Variants in CLDN16 observed in about 807,000 individuals in gnomAD.
CLDN16 encodes claudin 16.
Under a neutral mutation model 24.6 loss-of-function variants are expected in CLDN16, and 13 were observed. The ratio of observed to expected loss-of-function variants is 0.53; its 90% CI spans 0.34 to 0.84. CLDN16 has a LOEUF of 0.84. Ranked by LOEUF, CLDN16 falls within the 40% of genes least tolerant of loss-of-function variation. The probability of loss-of-function intolerance (pLI) is 0.01; values close to 1 mark genes in which losing one functional copy is unlikely to be tolerated. For synonymous variants in CLDN16, 116 were observed against 106.7 expected (o/e 1.09, Z -0.54); for missense variants, 298 against 292.7 (o/e 1.02, Z -0.13).
At chr3:190,387,060 C>T (rs1308616399), upstream of CLDN16, among the ~76,000 whole-genome samples, 1 of 152,104 alleles carries the variant, frequency 6.6e-6, no homozygotes, top group Non-Finnish European at 1.5e-5. Flanking sequence ...CTTTCTTTCT[C>T]TCCCTCCCAA....
upstream of CLDN16, among the ~76,000 whole-genome samples, chr3:190,319,262 A>T (rs1328017794): frequency 6.6e-6 from 1 of 152,224 alleles, no homozygotes; most frequent in African/African-American, 2.4e-5. Flanking sequence ...CTACAACTGT[A>T]TCTGGCACTT....
intron 2 of CLDN16, 112 bp downstream of exon 2, chr3:190,402,551 C>G (rs1230980171): frequency 7.4e-6 from 6 of 806,106 alleles, no homozygotes; most frequent in Admixed American, 1.9e-5. Context: ...AGGTTCGGTC[C>G]AGTTTGTAAT....
At position 190,348,048 on chromosome 3, in the gene CLDN16, C is replaced by T. The variant is rs1245860333; in HGVS notation, n.122-22845C>T. On this transcript the variant is annotated intron_variant and non_coding_transcript_variant, in intron 1 of 4. Coordinates refer to the CLDN16 transcript ENST00000468220. ...CACGAGGTCAGGAGATTGTGACCAT[C>T]CTGGTTAACAAGGTGAAACCCCGTC... is the stretch of plus-strand genomic sequence containing the variant. Among the ~76,000 whole-genome samples, 3 of 148,808 alleles carry T rather than the reference C, an allele frequency of 2.0e-5. No individual in the cohort carries two copies. The Admixed American group carries it at 2.0e-4, about 10-fold the overall frequency.
chr3:190,383,729 C>T (rs1177285567), upstream of CLDN16, among the ~76,000 whole-genome samples: 1 of 152,098 alleles, frequency 6.6e-6, no homozygotes, highest in African/African-American at 2.4e-5. Flanking sequence ...TTTATGACTA[C>T]ACTTTTTCTT....
chr3:190,404,877 C>T lies in CLDN16; in HGVS notation c.333C>T (p.Tyr111=), dbSNP rs746772676. The change falls in exon 3 of 5, where the codon TAC becomes TAT. Residue 111 remains tyrosine, a synonymous_variant. Transcript: ENST00000264734. ...TGAAATTCCTCCCTGATGAGCCGTA[C>T]ATTAAAGTCCGCATCTGCTTTGTTG... ...DCVKFLPDEP[Y]IKVRICFVAG... The T allele has an allele frequency of 6.2e-7, 1 of 1,614,118 alleles. No individual in the cohort carries two copies. Among genetic ancestry groups the T allele is most frequent in the South Asian group, 1.1e-5 (1 of 91,088 alleles).
At chr3:190,394,401 A>G (rs1433164184) in intron 1 of CLDN16, among the ~76,000 whole-genome samples, 1 of 152,200 alleles carries the variant, frequency 6.6e-6, no homozygotes, top group African/African-American at 2.4e-5. Context: ...AAAGTTGCTC[A>G]CATTAGTATT....
chr3:190,294,080 G>A, the CLDN16 span, among the ~76,000 whole-genome samples: 17,646 of 152,200 alleles, frequency 0.12, 1,361 homozygotes, highest in East Asian at 0.42. Context: ...ACCAGAGGCT[G>A]TCTATTGTCC....
chr3:190,396,852 G>C (rs879853501), intron 1 of CLDN16, among the ~76,000 whole-genome samples: 2 of 102,304 alleles, frequency 2.0e-5, no homozygotes, highest in African/African-American at 4.0e-5. Flanking sequence ...GTAGAAGTTT[G>C]ACAGGTTGAG....
intron 4 of CLDN16, among the ~76,000 whole-genome samples, chr3:190,409,105 G>A (rs1437629831): frequency 6.6e-6 from 1 of 150,896 alleles, no homozygotes; most frequent in African/African-American, 2.4e-5. Context: ...AGTTGCCCTT[G>A]AACAATTGGA....
At chr3:190,369,928 T>G (rs961288931) in intron 1 of CLDN16, among the ~76,000 whole-genome samples, 5 of 152,036 alleles carry the variant, frequency 3.3e-5, no homozygotes, top group African/African-American at 1.2e-4. Flanking sequence ...AAACCTGTGA[T>G]GTTTTCACAA....
chr3:190,303,550 CA>C, the CLDN16 span, among the ~76,000 whole-genome samples: 4 of 151,796 alleles, frequency 2.6e-5, no homozygotes, highest in East Asian at 1.9e-4. Context: ...CAATAAATTA[CA>C]AAAATAATGA....
At chr3:190,326,950 G>C (rs1717076501) in intron 1 of CLDN16, among the ~76,000 whole-genome samples, 1 of 152,144 alleles carries the variant, frequency 6.6e-6, no homozygotes. Flanking sequence ...AGGTCAAATT[G>C]CTAATATTTT....
At chr3:190,329,617 A>G (rs1014504090) in intron 1 of CLDN16, among the ~76,000 whole-genome samples, 1 of 152,186 alleles carries the variant, frequency 6.6e-6, no homozygotes, top group African/African-American at 2.4e-5. Context: ...AAGACTTGGA[A>G]CCAGGAAGAT....
intron 1 of CLDN16, among the ~76,000 whole-genome samples, chr3:190,359,308 A>C (rs564055608): frequency 6.6e-6 from 1 of 152,168 alleles, no homozygotes; most frequent in African/African-American, 2.4e-5. Flanking sequence ...CACACCTTGC[A>C]TGAAGGACTT....
chr3:190,351,046 T>G (rs1717661758), intron 1 of CLDN16, among the ~76,000 whole-genome samples: 1 of 152,034 alleles, frequency 6.6e-6, no homozygotes, highest in Non-Finnish European at 1.5e-5. Flanking sequence ...GGCTTGGTGC[T>G]CTCCTTGATT....
At position 190,404,783 on chromosome 3, in the gene CLDN16, C is replaced by T. The variant is rs769893284; in HGVS notation, c.239C>T (p.Ala80Val). 6.2e-7 allele frequency: 1 copy of T among 1,614,050 alleles called. No individual in the cohort carries two copies. Among genetic ancestry groups the T allele is most frequent in the Non-Finnish European group, 8.5e-7 (1 of 1,180,002 alleles). ...CCAGTGAAGCTGGTGGTAACTCGAG[C>T]GTTGATGATTACTGCAGATATTCTA... ...EHPLKLVVTR[A>V]LMITADILAG... Residue 80 changes from alanine (A) to valine (V), a missense_variant, in exon 3 of 5, where the codon GCG (alanine) becomes GTG (valine). By Grantham distance (64) the Ala-to-Val change is moderately conservative. Coordinates refer to ENST00000264734, the MANE Select transcript of CLDN16 (RefSeq NM_006580.4).
chr3:190,377,748 G>A (rs1204453501), intron 3 of CLDN16, among the ~76,000 whole-genome samples: 1 of 151,958 alleles, frequency 6.6e-6, no homozygotes, highest in East Asian at 1.9e-4. Context: ...TGATAAGAGG[G>A]TGAGCGGGCA....
At chr3:190,399,330 C>G (rs976533564) in intron 1 of CLDN16, among the ~76,000 whole-genome samples, 1 of 143,812 alleles carries the variant, frequency 7.0e-6, no homozygotes, top group Admixed American at 7.2e-5. Flanking sequence ...ATGGGGAAAC[C>G]CCGTCTCTAC....
intron 1 of CLDN16, among the ~76,000 whole-genome samples, chr3:190,344,273 A>T (rs1293102529): frequency 6.6e-6 from 1 of 152,056 alleles, no homozygotes; most frequent in Non-Finnish European, 1.5e-5. Context: ...TAACTTCTTA[A>T]AATTCCCAGA....
Sources: allele counts gnomAD v4.1 joint callset (sites outside exome capture counted in the v4.1 genomes callset), GRCh38; gene constraint gnomAD v4.1.1; transcripts MANE v1.5; gene names NCBI Gene and HGNC (gene_info 2026-07-23, HGNC 2026-07-21).